LPXN: variants seen among roughly 807,000 people sequenced by gnomAD.
The protein encoded by LPXN is leupaxin.
In LPXN, 28 loss-of-function variants were observed where a neutral mutation model predicts 45.6. The observed-to-expected ratio is 0.61, with a 90% confidence interval of 0.45 to 0.84. The LOEUF (loss-of-function observed/expected upper bound fraction) is 0.84, where lower values mean the gene tolerates loss of function less well. Ranked by LOEUF, LPXN falls within the 40% of genes least tolerant of loss-of-function variation. The probability of loss-of-function intolerance (pLI) is 0.00; values close to 1 mark genes in which losing one functional copy is unlikely to be tolerated. For synonymous variants in LPXN, 166 were observed against 169.9 expected (o/e 0.98, Z 0.18); for missense variants, 459 against 475.0 (o/e 0.97, Z 0.31).
intron 3 of LPXN, 121 bp from the exon 4 acceptor site, chr11:58,555,061 A>G (rs1426484240): frequency 6.4e-6 from 4 of 621,086 alleles, no homozygotes; most frequent in Admixed American, 2.9e-5. Flanking sequence ...AGCTAAAATC[A>G]GAGATGGGGG....
chr11:58,530,069 C>T (rs111901203), intron 7 of LPXN, among the ~76,000 whole-genome samples: 22,684 of 152,230 alleles, frequency 0.15, 1,883 homozygotes, highest in Middle Eastern at 0.2. Flanking sequence ...CTTGTGCCTA[C>T]GCCACCAGGG....
intron 7 of LPXN, among the ~76,000 whole-genome samples, chr11:58,534,707 C>A (rs1399726918): frequency 1.3e-5 from 2 of 151,954 alleles, no homozygotes; most frequent in Non-Finnish European, 2.9e-5. Context: ...AATGAAAAAC[C>A]CTTCAAACAA....
upstream of LPXN, chr11:58,575,924 C>G: frequency 6.9e-7 from 1 of 1,450,638 alleles, no homozygotes; most frequent in Non-Finnish European, 9.1e-7. Flanking sequence ...CACTTCCTCT[C>G]TTTTGATTTG....
At chr11:58,533,401 A>T (rs910747439) in intron 7 of LPXN, among the ~76,000 whole-genome samples, 3 of 152,232 alleles carry the variant, frequency 2.0e-5, no homozygotes, top group Admixed American at 6.5e-5. Flanking sequence ...TCAACCCAGA[A>T]TTTCATATCC....
chr11:58,549,166 C>T (rs1168481639), intron 7 of LPXN, among the ~76,000 whole-genome samples: 3 of 152,188 alleles, frequency 2.0e-5, no homozygotes, highest in Admixed American at 1.3e-4. Flanking sequence ...GAGGCCAAGG[C>T]GGGCGGATCA....
In LPXN at chr11:58,554,944, T is replaced by G. The variant is rs781606856; in HGVS notation, c.219-4A>C. ...TTCCTTTGGCTCTTGGGCTTCACTA[T>G]AGAGGGAAAACAAAAAAGTCATATG... is the stretch of plus-strand genomic sequence containing the variant. On this transcript the variant is annotated splice_polypyrimidine_tract_variant and splice_region_variant and intron_variant, in intron 3 of 8. Transcript: ENST00000395074. The G allele has an allele frequency of 1.2e-6, 2 of 1,602,602 alleles. No homozygotes were observed. Among genetic ancestry groups the G allele is most frequent in the South Asian group, 2.2e-5 (2 of 90,776 alleles).
At chr11:58,574,391 T>C (rs1014761047) in intron 1 of LPXN, among the ~76,000 whole-genome samples, 1 of 152,172 alleles carries the variant, frequency 6.6e-6, no homozygotes, top group African/African-American at 2.4e-5. Context: ...AGTTATTTTG[T>C]TTTTCTTAGT....
chr11:58,528,829 G>A (rs1302681521), intron 7 of LPXN, among the ~76,000 whole-genome samples: 1 of 152,076 alleles, frequency 6.6e-6, no homozygotes. Context: ...AAAAATAGAT[G>A]TATTCCTCCT....
chr11:58,569,630 TC>T lies in LPXN; in HGVS notation c.171+925del, dbSNP rs199608808. Among the ~76,000 whole-genome samples the T allele has an allele frequency of 9.9e-3, 1,510 of 151,994 alleles. 25 individuals are homozygous for T. Among genetic ancestry groups the T allele is most frequent in the African/African-American group, 0.035 (1,455 of 41,450 alleles). ...GTCTCAAACTCCTGGCTTCAAGTGA[TC>T]CCCCCGCCTCAGCCTTCCAAAGTGC... On this transcript the variant is annotated intron_variant, in intron 2 of 8. Coordinates refer to ENST00000395074, the MANE Select transcript of LPXN (RefSeq NM_004811.3).
chr11:58,534,869 C>T (rs185785299), intron 7 of LPXN, among the ~76,000 whole-genome samples: 17 of 152,260 alleles, frequency 1.1e-4, no homozygotes, highest in African/African-American at 3.9e-4. Flanking sequence ...ATACAAACTA[C>T]AATCAGAGAA....
upstream of LPXN, among the ~76,000 whole-genome samples, chr11:58,578,760 G>C (rs1011986533): frequency 6.6e-6 from 1 of 151,948 alleles, no homozygotes; most frequent in African/African-American, 2.4e-5. Flanking sequence ...CGTGAGGCGG[G>C]GAAAGAGGTG....
chr11:58,568,131 A>T (rs1167196900), intron 2 of LPXN, among the ~76,000 whole-genome samples: 1 of 152,220 alleles, frequency 6.6e-6, no homozygotes, highest in Admixed American at 6.5e-5. Flanking sequence ...GAAAAGCCTC[A>T]GAAATTCTTC....
At chr11:58,534,190 C>T (rs893060524) in intron 7 of LPXN, among the ~76,000 whole-genome samples, 1 of 152,162 alleles carries the variant, frequency 6.6e-6, no homozygotes, top group Middle Eastern at 3.2e-3. Flanking sequence ...GACATCTATA[C>T]AACTCTCCAC....
intron 7 of LPXN, among the ~76,000 whole-genome samples, chr11:58,546,465 A>C (rs1202861824): frequency 1.3e-5 from 2 of 152,246 alleles, no homozygotes; most frequent in East Asian, 3.8e-4. Flanking sequence ...AATGGGAATT[A>C]AGTAAAAGTT....
intron 2 of LPXN, among the ~76,000 whole-genome samples, chr11:58,567,041 T>A (rs1854546539): frequency 6.6e-6 from 1 of 152,068 alleles, no homozygotes; most frequent in South Asian, 2.1e-4. Flanking sequence ...TATTTATAAT[T>A]TATACATTTT....
intron 1 of LPXN, among the ~76,000 whole-genome samples, chr11:58,571,403 A>G (rs1443796272): frequency 6.6e-6 from 1 of 151,962 alleles, no homozygotes. Context: ...TTTTTCTATC[A>G]GAAAAATAGA....
At chr11:58,572,540 T>C (rs1388016733) in intron 1 of LPXN, among the ~76,000 whole-genome samples, 2 of 152,200 alleles carry the variant, frequency 1.3e-5, no homozygotes, top group Non-Finnish European at 2.9e-5. Context: ...ATCAAGACTA[T>C]TGAACACTGA....
chr11:58,536,733 T>C (rs1019829995), intron 7 of LPXN, among the ~76,000 whole-genome samples: 2 of 151,910 alleles, frequency 1.3e-5, no homozygotes, highest in Non-Finnish European at 2.9e-5. Context: ...ATCTACAAAA[T>C]TGGAGAAAAT....
In LPXN at chr11:58,546,195, G is replaced by A. The variant is rs541713899; in HGVS notation, c.742+3591C>T. Among the ~76,000 whole-genome samples, 11 of 152,252 alleles carry A rather than the reference G, an allele frequency of 7.2e-5. 1 individual carries two copies. In the East Asian group the frequency reaches 1.5e-3, roughly 21 times the overall value. ...CATAAATAAGAAAACTGGAACTTAC[G>A]TCTCCACAGATGGGAGAGGCCAATA... On this transcript the variant is annotated intron_variant, in intron 7 of 8. Transcript: ENST00000395074.
Sources: gnomAD v4.1 joint callset for allele counts (sites outside exome capture counted in the v4.1 genomes callset) on GRCh38, gnomAD v4.1.1 for gene constraint, MANE v1.5 for transcripts, NCBI Gene and HGNC (gene_info 2026-07-23, HGNC 2026-07-21) for gene names.